Variants in NKAIN3 observed in about 807,000 individuals in gnomAD.
The protein encoded by NKAIN3 is sodium/potassium-transporting ATPase subunit beta-1-interacting protein 3.
A neutral mutation model predicts 30.2 loss-of-function variants in NKAIN3; 25 were observed. The observed-to-expected ratio is 0.83, with a 90% confidence interval of 0.60 to 1.16. The LOEUF is 1.16. Among genes scored for constraint, NKAIN3 ranks in the 50% most tolerant of loss-of-function variants. The pLI is 0.00. For synonymous variants in NKAIN3, 91 were observed against 89.6 expected (o/e 1.02, Z -0.09); for missense variants, 225 against 254.1 (o/e 0.89, Z 0.78).
intron 1 of NKAIN3, among the ~76,000 whole-genome samples, chr8:62,279,982 G>T (rs941057495): frequency 6.6e-6 from 1 of 152,106 alleles, no homozygotes; most frequent in African/African-American, 2.4e-5. Context: ...CCATTTTCAC[G>T]ATATTTGTTC....
At chr8:62,453,549 T>G (rs114635837) in intron 1 of NKAIN3, among the ~76,000 whole-genome samples, 2,203 of 151,834 alleles carry the variant, frequency 0.015, 37 homozygotes, top group African/African-American at 0.05. Context: ...GTGAAGGAAG[T>G]TGAGGCATGA....
chr8:62,516,496 T>A (rs923326318), intron 1 of NKAIN3, among the ~76,000 whole-genome samples: 1 of 152,142 alleles, frequency 6.6e-6, no homozygotes, highest in African/African-American at 2.4e-5. Flanking sequence ...TAACCTTAGT[T>A]TGTTTTACTT....
chr8:62,652,472 A>G (rs1413515545), intron 3 of NKAIN3, among the ~76,000 whole-genome samples: 3 of 152,228 alleles, frequency 2.0e-5, no homozygotes, highest in African/African-American at 4.8e-5. Flanking sequence ...CACAATAAAG[A>G]TAACAGTTTT....
intron 5 of NKAIN3, among the ~76,000 whole-genome samples, chr8:62,951,444 A>ATTTG (rs1219643703): frequency 1.3e-5 from 2 of 152,024 alleles, no homozygotes; most frequent in African/African-American, 4.8e-5. Context: ...AGCCTTTTAA[A>ATTTG]TTTGTTTGTT....
In NKAIN3 at chr8:62,895,777, C is replaced by A. The variant is rs1054437793; in HGVS notation, c.472-22676C>A. 2.6e-5 allele frequency among the ~76,000 whole-genome samples: 4 copies of A among 152,220 alleles called. No individual in the cohort carries two copies. The South Asian group carries it at 8.3e-4, about 32-fold the overall frequency. The stretch of plus-strand genomic sequence containing the variant: ...CTTCCCTAATGTCGTGGGCTGGGTC[C>A]TTCCTCCTATCCCCACTCCCTCTCT... On this transcript the variant is annotated intron_variant, in intron 4 of 6. Coordinates refer to ENST00000623646, the MANE Select transcript of NKAIN3 (RefSeq NM_001304533.3).
chr8:62,291,532 A>G (rs570165202), intron 1 of NKAIN3, among the ~76,000 whole-genome samples: 1 of 152,242 alleles, frequency 6.6e-6, no homozygotes, highest in East Asian at 1.9e-4. Context: ...TTCAGTTTCC[A>G]TGTAGTTTAG....
chr8:62,545,933 C>G (rs1041705330), intron 1 of NKAIN3, among the ~76,000 whole-genome samples: 5 of 152,208 alleles, frequency 3.3e-5, no homozygotes. Flanking sequence ...ATGCCCGTTT[C>G]TTCAAACTCT....
At chr8:62,988,441 C>T (rs1563656452), downstream of NKAIN3, among the ~76,000 whole-genome samples, 1 of 152,246 alleles carries the variant, frequency 6.6e-6, no homozygotes, top group Non-Finnish European at 1.5e-5. Flanking sequence ...TGTTTCCATA[C>T]ATCCTCTGAA....
chr8:62,561,523 A>G (rs907942815), intron 1 of NKAIN3, among the ~76,000 whole-genome samples: 4 of 152,202 alleles, frequency 2.6e-5, no homozygotes, highest in Non-Finnish European at 5.9e-5. Flanking sequence ...TAAGCAATGT[A>G]GGAATTACTC....
At chr8:62,481,462 C>T (rs1015261918) in intron 1 of NKAIN3, among the ~76,000 whole-genome samples, 7 of 152,232 alleles carry the variant, frequency 4.6e-5, no homozygotes, top group African/African-American at 1.7e-4. Context: ...CCATGTCATA[C>T]ATTAACTATC....
intron 4 of NKAIN3, among the ~76,000 whole-genome samples, chr8:62,896,653 C>T (rs1441240968): frequency 6.6e-6 from 1 of 152,160 alleles, no homozygotes; most frequent in East Asian, 1.9e-4. Flanking sequence ...CCACTGTTAG[C>T]ACAGCAAGAA....
At chr8:62,278,547 G>C (rs2129395417) in intron 1 of NKAIN3, among the ~76,000 whole-genome samples, 1 of 150,498 alleles carries the variant, frequency 6.6e-6, no homozygotes, top group African/African-American at 2.4e-5. Flanking sequence ...CCCCATGACA[G>C]GCCCCGGTGT....
intron 4 of NKAIN3, among the ~76,000 whole-genome samples, chr8:62,780,247 G>A (rs1395381690): frequency 1.3e-5 from 2 of 152,028 alleles, no homozygotes; most frequent in African/African-American, 4.8e-5. Flanking sequence ...CCAAGAAGAA[G>A]TAGAAAACCT....
intron 6 of NKAIN3, among the ~76,000 whole-genome samples, chr8:62,963,688 T>C (rs1323164905): frequency 6.6e-6 from 1 of 152,096 alleles, no homozygotes; most frequent in African/African-American, 2.4e-5. Context: ...CCTGTTAACA[T>C]GCCAAGGAGT....
chr8:62,804,335 G>A (rs1444190169), intron 4 of NKAIN3, among the ~76,000 whole-genome samples: 4 of 152,116 alleles, frequency 2.6e-5, no homozygotes, highest in Non-Finnish European at 4.4e-5. Flanking sequence ...AAGCCTGGCA[G>A]AGACACAACC....
intron 4 of NKAIN3, among the ~76,000 whole-genome samples, chr8:62,796,479 G>A (rs1266925928): frequency 6.8e-6 from 1 of 147,386 alleles, no homozygotes; most frequent in Admixed American, 6.8e-5. Context: ...AATTTGTCTA[G>A]ATGATTACAC....
At chr8:62,857,577 A>G (rs966836163) in intron 4 of NKAIN3, among the ~76,000 whole-genome samples, 4 of 152,052 alleles carry the variant, frequency 2.6e-5, no homozygotes, top group African/African-American at 9.7e-5. Context: ...CTTTTCTGCC[A>G]GTCTTATTTC....
At chr8:62,866,670 G>T (rs1284561222) in intron 4 of NKAIN3, among the ~76,000 whole-genome samples, 1 of 152,078 alleles carries the variant, frequency 6.6e-6, no homozygotes, top group Non-Finnish European at 1.5e-5. Flanking sequence ...TTATCCATAT[G>T]CCTTTGCAAT....
chr8:62,455,975 G>A (rs1805806826), intron 1 of NKAIN3, among the ~76,000 whole-genome samples: 1 of 152,124 alleles, frequency 6.6e-6, no homozygotes, highest in Admixed American at 6.5e-5. Flanking sequence ...GCTACTATGT[G>A]GAAAACGGAT....
Sources: allele counts gnomAD v4.1 joint callset (sites outside exome capture counted in the v4.1 genomes callset), GRCh38; gene constraint gnomAD v4.1.1; transcripts MANE v1.5; gene names NCBI Gene and HGNC (gene_info 2026-07-23, HGNC 2026-07-21).